CACNA1E: variants seen among roughly 807,000 people sequenced by gnomAD.
The protein encoded by CACNA1E is voltage-dependent R-type calcium channel subunit alpha-1E.
Under a neutral mutation model 259.2 loss-of-function variants are expected in CACNA1E, and 40 were observed. The ratio of observed to expected loss-of-function variants is 0.15; its 90% CI spans 0.12 to 0.20. The LOEUF (loss-of-function observed/expected upper bound fraction) is 0.20. Among genes scored for constraint, CACNA1E ranks in the 10% least tolerant of loss-of-function variants. CACNA1E has a pLI of 1.00. For missense variants in CACNA1E, 1,874 were observed against 3,040.1 expected, an observed-to-expected ratio of 0.62 and a Z score of 9.02; for synonymous variants, 1,104 against 1,138.5, an observed-to-expected ratio of 0.97 and a Z score of 0.61.
chr1:181,743,991 T>C (rs184561990), intron 25 of CACNA1E, among the ~76,000 whole-genome samples: 2 of 152,370 alleles, frequency 1.3e-5, no homozygotes, highest in East Asian at 3.9e-4. Context: ...TTTGCTGTTG[T>C]AGCAGGGCAT....
chr1:181,554,058 T>G (rs1648466311), intron 3 of CACNA1E, among the ~76,000 whole-genome samples: 2 of 152,162 alleles, frequency 1.3e-5, no homozygotes, highest in Admixed American at 6.5e-5. Flanking sequence ...TCATGCAGGC[T>G]GGAGTGCAGT....
At chr1:181,346,451 G>A (rs1034067817) in intron 1 of CACNA1E, among the ~76,000 whole-genome samples, 1 of 152,232 alleles carries the variant, frequency 6.6e-6, no homozygotes, top group Admixed American at 6.5e-5. Context: ...GCAGCCCCCA[G>A]TGGAAGGGAG....
At chr1:181,524,540 G>C (rs1667215598) in intron 3 of CACNA1E, among the ~76,000 whole-genome samples, 1 of 152,188 alleles carries the variant, frequency 6.6e-6, no homozygotes, top group Non-Finnish European at 1.5e-5. Flanking sequence ...GTTCTCTCTT[G>C]CTCCTTGAAC....
At chr1:181,334,236 C>A (rs1418538768) in intron 1 of CACNA1E, among the ~76,000 whole-genome samples, 1 of 152,230 alleles carries the variant, frequency 6.6e-6, no homozygotes, top group Non-Finnish European at 1.5e-5. Context: ...GTGTTCATTG[C>A]TAACTCCTTC....
intron 25 of CACNA1E, among the ~76,000 whole-genome samples, chr1:181,748,452 T>C (rs578245351): frequency 6.6e-6 from 1 of 152,176 alleles, no homozygotes; most frequent in African/African-American, 2.4e-5. Flanking sequence ...TATTGGGCCC[T>C]CCCGCAGAAG....
At position 181,437,174 on chromosome 1, in the gene CACNA1E, T is replaced by C. The variant is rs1296670834; in HGVS notation, c.434+23594T>C. 2.0e-5 allele frequency among the ~76,000 whole-genome samples: 3 copies of C among 152,330 alleles called. No homozygotes were observed. In the East Asian group the frequency reaches 5.8e-4, roughly 29 times the overall value. On this transcript the variant is annotated intron_variant, in intron 2 of 11. Coordinates refer to the CACNA1E transcript ENST00000524607. ...CTGGAGCCCATGCAACACCCTCTTA[T>C]TGCCACAGACTTCTGTGCTCACTGC...
chr1:181,414,438 G>A (rs1658111840), intron 2 of CACNA1E, among the ~76,000 whole-genome samples: 1 of 152,126 alleles, frequency 6.6e-6, no homozygotes, highest in South Asian at 2.1e-4. Context: ...TACAAGTAGG[G>A]GTAAATGAGC....
At chr1:181,720,578 G>A (rs548183674) in intron 14 of CACNA1E, among the ~76,000 whole-genome samples, 16 of 152,286 alleles carry the variant, frequency 1.1e-4, no homozygotes, top group African/African-American at 2.6e-4. Flanking sequence ...AATGTGCAGC[G>A]TGGGCACATT....
At chr1:181,655,970 T>C (rs1572506325) in intron 7 of CACNA1E, among the ~76,000 whole-genome samples, 1 of 152,302 alleles carries the variant, frequency 6.6e-6, no homozygotes, top group South Asian at 2.1e-4. Flanking sequence ...GGCTTAGTGA[T>C]GTCATAGTCA....
chr1:181,594,564 A>G (rs1360672693), intron 6 of CACNA1E, among the ~76,000 whole-genome samples: 3 of 152,074 alleles, frequency 2.0e-5, no homozygotes, highest in African/African-American at 7.2e-5. Context: ...ATGCCAGACT[A>G]ATTTTTGTAT....
At chr1:181,792,689 G>A (rs1405253569) in intron 44 of CACNA1E, among the ~76,000 whole-genome samples, 1 of 151,864 alleles carries the variant, frequency 6.6e-6, no homozygotes, top group East Asian at 1.9e-4. Flanking sequence ...TGTTTTTAGG[G>A]TGTCATTTCC....
intron 3 of CACNA1E, among the ~76,000 whole-genome samples, chr1:181,565,951 A>T (rs1162631252): frequency 6.6e-6 from 1 of 152,124 alleles, no homozygotes; most frequent in Non-Finnish European, 1.5e-5. Context: ...CTGCTAGAAA[A>T]ACAACTCAAA....
intron 1 of CACNA1E, among the ~76,000 whole-genome samples, chr1:181,377,505 C>G (rs1655184831): frequency 6.6e-6 from 1 of 152,082 alleles, no homozygotes; most frequent in Non-Finnish European, 1.5e-5. Flanking sequence ...GGGGAGCCAT[C>G]AGGGGTTTTA....
At chr1:181,676,877 A>G (rs1296668579) in intron 7 of CACNA1E, among the ~76,000 whole-genome samples, 1 of 152,176 alleles carries the variant, frequency 6.6e-6, no homozygotes, top group Non-Finnish European at 1.5e-5. Context: ...ACCATTAGTC[A>G]GTGAGGGGAA....
intron 1 of CACNA1E, among the ~76,000 whole-genome samples, chr1:181,329,859 A>G (rs1378399559): frequency 6.6e-6 from 1 of 152,146 alleles, no homozygotes; most frequent in Admixed American, 6.5e-5. Context: ...CTGTGTTTGC[A>G]TTGTTCATGG....
At chr1:181,670,499 A>G (rs1198626283) in intron 7 of CACNA1E, among the ~76,000 whole-genome samples, 1 of 152,192 alleles carries the variant, frequency 6.6e-6, no homozygotes, top group Non-Finnish European at 1.5e-5. Context: ...TATGCAAGAG[A>G]GCACTGAGAT....
At chr1:181,797,102 C>A (rs1661877715) in intron 47 of CACNA1E, among the ~76,000 whole-genome samples, 1 of 152,182 alleles carries the variant, frequency 6.6e-6, no homozygotes, top group South Asian at 2.1e-4. Flanking sequence ...TCATTCCATT[C>A]CAGCCTTCAG....
In CACNA1E at chr1:181,755,344, G is replaced by A. The variant is rs376302145; in HGVS notation, c.3936G>A (p.Lys1312=). Reference sequence around the variant, plus strand: ...CTGTCATCGCAGTTCAGCTCTTCAAGGGAAAGTTCTTTTATTGCACGGACA... The same window carrying A: ...CTGTCATCGCAGTTCAGCTCTTCAAAGGAAAGTTCTTTTATTGCACGGACA... ...IFAVIAVQLF[K]GKFFYCTDSS... Residue 1312 remains lysine, a synonymous_variant, in exon 28 of 48, where the codon AAG becomes AAA. Coordinates refer to ENST00000367573, the MANE Select transcript of CACNA1E (RefSeq NM_001205293.3). The A allele has an allele frequency of 5.5e-5, 89 of 1,613,868 alleles. No individual in the cohort carries two copies. Among genetic ancestry groups the A allele is most frequent in the Non-Finnish European group, 7.4e-5 (87 of 1,179,854 alleles).
At chr1:181,478,408 C>G (rs1407489712) in intron 2 of CACNA1E, among the ~76,000 whole-genome samples, 1 of 152,156 alleles carries the variant, frequency 6.6e-6, no homozygotes, top group African/African-American at 2.4e-5. Context: ...TGAAAGCCAC[C>G]AGACTCCCAA....
Sources: gnomAD v4.1 joint callset for allele counts (sites outside exome capture counted in the v4.1 genomes callset) on GRCh38, gnomAD v4.1.1 for gene constraint, MANE v1.5 for transcripts, NCBI Gene and HGNC (gene_info 2026-07-23, HGNC 2026-07-21) for gene names.